SNTB1: variants seen among roughly 807,000 people sequenced by gnomAD.
SNTB1 encodes syntrophin beta 1, also known as beta-1-syntrophin.
A neutral mutation model predicts 48.9 loss-of-function variants in SNTB1; 36 were observed. The ratio of observed to expected loss-of-function variants is 0.74; its 90% CI spans 0.56 to 0.97. The LOEUF (loss-of-function observed/expected upper bound fraction) is 0.97, where lower values mean the gene tolerates loss of function less well. Ranked by LOEUF, SNTB1 falls within the 50% of genes least tolerant of loss-of-function variation. The probability of loss-of-function intolerance (pLI) is 0.00; values close to 1 mark genes in which losing one functional copy is unlikely to be tolerated. For synonymous variants in SNTB1, 299 were observed against 294.6 expected, an observed-to-expected ratio of 1.01 and a Z score of -0.15; for missense variants, 786 against 703.4, an observed-to-expected ratio of 1.12 and a Z score of -1.33.
At chr8:120,603,155 T>C (rs1816450879) in intron 3 of SNTB1, among the ~76,000 whole-genome samples, 1 of 152,036 alleles carries the variant, frequency 6.6e-6, no homozygotes, top group Admixed American at 6.6e-5. Flanking sequence ...CAGGCTGGAA[T>C]GCAGTGGCGC....
At chr8:120,790,758 A>C (rs1476894817) in intron 1 of SNTB1, among the ~76,000 whole-genome samples, 1 of 152,074 alleles carries the variant, frequency 6.6e-6, no homozygotes, top group Non-Finnish European at 1.5e-5. Flanking sequence ...AACAAATGGA[A>C]ATACATCTTG....
At chr8:120,654,933 G>A (rs1251063366) in intron 2 of SNTB1, 1 of 455,684 alleles carries the variant, frequency 2.2e-6, no homozygotes, top group Non-Finnish European at 4.4e-6. Flanking sequence ...TCAGGAGGAT[G>A]AAGTCTTGCT....
chr8:120,770,742 A>C (rs1346123337), intron 1 of SNTB1, among the ~76,000 whole-genome samples: 2 of 152,158 alleles, frequency 1.3e-5, no homozygotes, highest in Admixed American at 1.3e-4. Flanking sequence ...GAACCCAGGA[A>C]GCAGAGGTTG....
At position 120,632,631 on chromosome 8, in the gene SNTB1, G is replaced by C; in HGVS notation, c.809C>G (p.Pro270Arg). ...PENRQLEIHS[P>R]DAKHTVILRS... ...TAGGATCACCGTGTGCTTAGCATCT[G>C]GAGAGTGGATTTCAAGCTGCCTAGA... The change falls in exon 3 of 7, where the codon CCA becomes CGA. Residue 270 changes from proline (P) to arginine (R), a missense_variant. Transcript: ENST00000517992. The C allele has an allele frequency of 1.2e-6, 2 of 1,614,104 alleles. No individual in the cohort carries two copies. The highest frequency in any genetic ancestry group is 1.7e-6 in the Non-Finnish European group (2 of 1,179,998).
intron 3 of SNTB1, among the ~76,000 whole-genome samples, chr8:120,585,834 A>C (rs1816130721): frequency 6.6e-6 from 1 of 152,220 alleles, no homozygotes; most frequent in African/African-American, 2.4e-5. Context: ...TTAAAATCAA[A>C]CATGTCATAT....
intron 3 of SNTB1, among the ~76,000 whole-genome samples, chr8:120,604,786 C>G (rs797011925): frequency 1.3e-5 from 2 of 152,198 alleles, no homozygotes; most frequent in African/African-American, 4.8e-5. Context: ...GACAACTATT[C>G]CAAAAATAGA....
At chr8:120,738,986 TTAA>T (rs1388327781) in intron 1 of SNTB1, among the ~76,000 whole-genome samples, 1 of 152,206 alleles carries the variant, frequency 6.6e-6, no homozygotes, top group Non-Finnish European at 1.5e-5. Flanking sequence ...CAAATCACTG[TTAA>T]TAAGAATTGT....
At chr8:120,682,922 C>T (rs1458848873) in intron 2 of SNTB1, among the ~76,000 whole-genome samples, 2 of 144,092 alleles carry the variant, frequency 1.4e-5, no homozygotes, top group African/African-American at 5.3e-5. Context: ...CGCTCTTTCG[C>T]CCAGGCCAGA....
intron 1 of SNTB1, among the ~76,000 whole-genome samples, chr8:120,714,605 A>G (rs1235419015): frequency 6.6e-6 from 1 of 152,182 alleles, no homozygotes; most frequent in African/African-American, 2.4e-5. Flanking sequence ...AGATATAAAT[A>G]TAAATGCTGA....
intron 2 of SNTB1, among the ~76,000 whole-genome samples, chr8:120,654,062 A>C (rs1373928940): frequency 6.7e-6 from 1 of 148,548 alleles, no homozygotes; most frequent in Non-Finnish European, 1.5e-5. Context: ...AAAAAAAAAA[A>C]AAAAAAAAAG....
intron 2 of SNTB1, among the ~76,000 whole-genome samples, chr8:120,681,639 T>C (rs1264720702): frequency 6.6e-6 from 1 of 152,156 alleles, no homozygotes; most frequent in African/African-American, 2.4e-5. Context: ...GACAGAATGA[T>C]TCTCCCATAA....
At chr8:120,636,711 A>T (rs551191398) in intron 2 of SNTB1, among the ~76,000 whole-genome samples, 156 of 151,736 alleles carry the variant, frequency 1.0e-3, no homozygotes, top group African/African-American at 3.5e-3. Flanking sequence ...ATACGTGTGC[A>T]TGTGTCTTTA....
chr8:120,539,563 C>A (rs2130640121), intron 6 of SNTB1, among the ~76,000 whole-genome samples: 1 of 152,336 alleles, frequency 6.6e-6, no homozygotes, highest in East Asian at 1.9e-4. Flanking sequence ...GGGAAGGCAC[C>A]ATCTGAAGTC....
intron 3 of SNTB1, among the ~76,000 whole-genome samples, chr8:120,625,480 G>C (rs535395495): frequency 1.3e-5 from 2 of 152,306 alleles, no homozygotes; most frequent in African/African-American, 4.8e-5. Context: ...AGAAAAGTGG[G>C]CATATTTCAT....
intron 2 of SNTB1, among the ~76,000 whole-genome samples, chr8:120,679,985 T>C (rs558726158): frequency 2.2e-4 from 33 of 152,318 alleles, no homozygotes; most frequent in Middle Eastern, 6.8e-3. Context: ...TAGAACTATA[T>C]TTTTTCTTGC....
At chr8:120,649,121 T>A (rs1438487168) in intron 2 of SNTB1, among the ~76,000 whole-genome samples, 2 of 150,052 alleles carry the variant, frequency 1.3e-5, no homozygotes, top group Non-Finnish European at 3.0e-5. Flanking sequence ...AATGTCCTCC[T>A]GTAGCTCAGA....
At position 120,537,372 on chromosome 8, in the gene SNTB1, C is replaced by T. The variant is rs1815218592; in HGVS notation, c.*1505G>A. 6.6e-6 allele frequency: 1 copy of T among 152,186 alleles called. No homozygotes were observed. Among genetic ancestry groups the T allele is most frequent in the Non-Finnish European group, 1.5e-5 (1 of 68,034 alleles). 9.4% of individuals were successfully genotyped at this position (152,186 alleles called of 1,614,324 possible). A position where few individuals can be genotyped will look rare whatever the true frequency, so the allele number is the denominator to read the frequency against. ...ACCCCTGTCTCCCCCCAGCAAAACA[C>T]CACTCAGTCAAGCCCCTTGGAACTA... is the stretch of plus-strand genomic sequence containing the variant. On this transcript the variant is annotated 3_prime_UTR_variant, in exon 7 of 7. Transcript: ENST00000517992.
At chr8:120,730,754 G>A (rs1818836785) in intron 1 of SNTB1, among the ~76,000 whole-genome samples, 1 of 152,070 alleles carries the variant, frequency 6.6e-6, no homozygotes, top group Non-Finnish European at 1.5e-5. Flanking sequence ...ATTTTTCATG[G>A]TGATTTGAAC....
At chr8:120,777,604 T>G (rs1819757696) in intron 1 of SNTB1, among the ~76,000 whole-genome samples, 1 of 152,224 alleles carries the variant, frequency 6.6e-6, no homozygotes, top group East Asian at 1.9e-4. Flanking sequence ...CCTTCCTCAC[T>G]GGCTTCATGA....
Sources: gnomAD v4.1 joint callset for allele counts (sites outside exome capture counted in the v4.1 genomes callset) on GRCh38, gnomAD v4.1.1 for gene constraint, MANE v1.5 for transcripts, NCBI Gene and HGNC (gene_info 2026-07-23, HGNC 2026-07-21) for gene names.